Variants in CCDC192 observed in about 807,000 individuals in gnomAD.
CCDC192 encodes coiled-coil domain-containing protein 192.
At chr5:127,710,369 C>T (rs199717507) in intron 2 of CCDC192, among the ~76,000 whole-genome samples, 1 of 151,624 alleles carries the variant, frequency 6.6e-6, no homozygotes, top group Non-Finnish European at 1.5e-5. Flanking sequence ...TAGTTTTGGT[C>T]GAGAAGACAG....
In CCDC192 at chr5:127,733,225, T is replaced by TA. The variant is rs1450081766; in HGVS notation, c.115-21042dup. Among the ~76,000 whole-genome samples the TA allele has an allele frequency of 2.0e-5, 3 of 152,142 alleles. No individual in the cohort carries two copies. In the East Asian group the frequency reaches 5.8e-4, roughly 29 times the overall value. On this transcript the variant is annotated intron_variant, in intron 2 of 6. Coordinates refer to ENST00000514853, the MANE Select transcript of CCDC192 (RefSeq NM_001317938.2). ...CATAAAGCCAAGAGTTTCTGGTCCT[T>TA]ACAATCAACTCCCAGACTCTCTCCT...
At chr5:127,719,103 C>G (rs1751809607) in intron 2 of CCDC192, among the ~76,000 whole-genome samples, 2 of 152,054 alleles carry the variant, frequency 1.3e-5, no homozygotes, top group Admixed American at 1.3e-4. Flanking sequence ...TCCATGGATT[C>G]AATTGTTTTA....
rs141427498 is a variant in CCDC192 at position 127,838,155 on chromosome 5, A to G, written c.412-37383A>G. ...TTCTTTCATCTCCCTGACTCCTACA[A>G]TGCCTTCAAACTTTGCCTCACTTTG... On this transcript the variant is annotated intron_variant, in intron 5 of 6. Transcript: ENST00000514853. 7.9e-5 allele frequency among the ~76,000 whole-genome samples: 12 copies of G among 152,290 alleles called. No homozygotes were observed. In the East Asian group the frequency reaches 1.2e-3, roughly 15 times the overall value.
intron 5 of CCDC192, among the ~76,000 whole-genome samples, chr5:127,873,688 T>C (rs759109813): frequency 6.6e-6 from 1 of 152,084 alleles, no homozygotes; most frequent in Non-Finnish European, 1.5e-5. Context: ...ACTCTATATC[T>C]CCAAAGTTCT....
intron 6 of CCDC192, among the ~76,000 whole-genome samples, chr5:127,881,952 G>A (rs866403388): frequency 6.6e-6 from 1 of 152,144 alleles, no homozygotes; most frequent in Non-Finnish European, 1.5e-5. Context: ...CCTTGTGACC[G>A]GTTGTGGTGG....
chr5:127,756,083 A>C (rs527395978), intron 3 of CCDC192, among the ~76,000 whole-genome samples: 6 of 151,988 alleles, frequency 3.9e-5, no homozygotes, highest in Admixed American at 1.3e-4. Flanking sequence ...CAGTGAGCCG[A>C]GATTGCGCCA....
intron 2 of CCDC192, among the ~76,000 whole-genome samples, chr5:127,728,096 C>G (rs950261397): frequency 6.6e-6 from 1 of 152,082 alleles, no homozygotes; most frequent in Non-Finnish European, 1.5e-5. Flanking sequence ...ACGGGGAGAA[C>G]AAAACCAAGT....
intron 5 of CCDC192, among the ~76,000 whole-genome samples, chr5:127,849,328 C>A (rs1021478538): frequency 7.2e-5 from 11 of 152,030 alleles, no homozygotes; most frequent in Non-Finnish European, 1.6e-4. Flanking sequence ...GGATTCCCAC[C>A]TCCTCAGCAC....
chr5:127,748,157 G>C, intron 2 of CCDC192, among the ~76,000 whole-genome samples: 1 of 99,792 alleles, frequency 1.0e-5, no homozygotes, highest in Admixed American at 1.2e-4. Context: ...ATTGCTTTTG[G>C]TGTTTTAGAC....
intron 2 of CCDC192, among the ~76,000 whole-genome samples, chr5:127,728,476 C>A (rs1752458950): frequency 6.6e-6 from 1 of 152,144 alleles, no homozygotes; most frequent in African/African-American, 2.4e-5. Flanking sequence ...AAATAAAATC[C>A]TTTTCAGACA....
At chr5:127,783,235 C>G (rs555940754) in intron 3 of CCDC192, among the ~76,000 whole-genome samples, 4 of 152,086 alleles carry the variant, frequency 2.6e-5, no homozygotes, top group Non-Finnish European at 5.9e-5. Flanking sequence ...ACCTTGTGAT[C>G]CACCCTCCTC....
At chr5:127,742,575 T>A (rs2126843561) in intron 2 of CCDC192, among the ~76,000 whole-genome samples, 1 of 152,236 alleles carries the variant, frequency 6.6e-6, no homozygotes, top group South Asian at 2.1e-4. Flanking sequence ...TTAACAGAGA[T>A]CATTTAGATA....
chr5:127,907,666 A>G (rs1385631447), intron 6 of CCDC192, among the ~76,000 whole-genome samples: 1 of 152,238 alleles, frequency 6.6e-6, no homozygotes, highest in Admixed American at 6.5e-5. Context: ...TTACTTCAAA[A>G]GGGTTTAAAT....
chr5:127,864,272 A>T (rs1305406482), intron 5 of CCDC192, among the ~76,000 whole-genome samples: 1 of 152,180 alleles, frequency 6.6e-6, no homozygotes, highest in South Asian at 2.1e-4. Flanking sequence ...TAAATTTTAC[A>T]TTCTCAGACT....
At chr5:127,889,373 CT>C (rs200517620) in intron 6 of CCDC192, among the ~76,000 whole-genome samples, 10 of 149,132 alleles carry the variant, frequency 6.7e-5, no homozygotes, top group African/African-American at 1.5e-4. Context: ...ATGCATATTT[CT>C]TTTTTTTTCC....
At position 127,846,267 on chromosome 5, in the gene CCDC192, C is replaced by T. The variant is rs561162114; in HGVS notation, c.412-29271C>T. The stretch of plus-strand genomic sequence containing the variant: ...TCGTGCCACTGCACTCCAGCCTGGG[C>T]GACAGAGCAAGACTCGGTCTCAAAA... On this transcript the variant is annotated intron_variant, in intron 5 of 6. Coordinates refer to ENST00000514853, the MANE Select transcript of CCDC192 (RefSeq NM_001317938.2). 8.5e-5 allele frequency among the ~76,000 whole-genome samples: 12 copies of T among 141,704 alleles called. No homozygotes were observed. The East Asian group carries it at 1.0e-3, about 12-fold the overall frequency. The allele number at this position is 141,704 out of a possible 152,430, so 93.0% of individuals were successfully genotyped here. A position where few individuals can be genotyped will look rare whatever the true frequency, so the allele number is the denominator to read the frequency against.
At chr5:127,747,173 G>A (rs1018370953) in intron 2 of CCDC192, among the ~76,000 whole-genome samples, 10 of 150,644 alleles carry the variant, frequency 6.6e-5, no homozygotes, top group South Asian at 4.2e-4. Flanking sequence ...AGTTACATAC[G>A]TATACATGTG....
chr5:127,782,136 G>A (rs116255438), intron 3 of CCDC192, among the ~76,000 whole-genome samples: 1 of 152,076 alleles, frequency 6.6e-6, no homozygotes, highest in Non-Finnish European at 1.5e-5. Context: ...TTACTGATTT[G>A]CATATGTTAA....
intron 5 of CCDC192, among the ~76,000 whole-genome samples, chr5:127,824,743 C>T (rs1051265606): frequency 6.6e-6 from 1 of 152,266 alleles, no homozygotes; most frequent in East Asian, 1.9e-4. Context: ...GTAGGATCAC[C>T]TCAGCGTGCC....
Sources: gnomAD v4.1 joint callset for allele counts (sites outside exome capture counted in the v4.1 genomes callset) on GRCh38, gnomAD v4.1.1 for gene constraint, MANE v1.5 for transcripts, NCBI Gene and HGNC (gene_info 2026-07-23, HGNC 2026-07-21) for gene names.